TCF4: variants seen among roughly 807,000 people sequenced by gnomAD.
The protein encoded by TCF4 is SL3-3 enhancer factor 2.
A neutral mutation model predicts 82.1 loss-of-function variants in TCF4; 3 were observed. That is an observed-to-expected ratio of 0.04 (90% CI 0.02 to 0.09). TCF4 has a LOEUF of 0.09. Ranked by LOEUF, TCF4 falls within the 10% of genes least tolerant of loss-of-function variation. The probability of loss-of-function intolerance (pLI) is 1.00; values close to 1 mark genes in which losing one functional copy is unlikely to be tolerated. For missense variants in TCF4, 518 were observed against 852.7 expected, an observed-to-expected ratio of 0.61 and a Z score of 4.89; for synonymous variants, 276 against 309.6, an observed-to-expected ratio of 0.89 and a Z score of 1.14.
intron 8 of TCF4, among the ~76,000 whole-genome samples, chr18:55,339,384 C>G (rs2079326052): frequency 6.6e-6 from 1 of 152,102 alleles, no homozygotes; most frequent in African/African-American, 2.4e-5. Flanking sequence ...CATAAAAAGC[C>G]AAATCGAAAT....
At chr18:55,541,844 G>A (rs1033266554) in intron 3 of TCF4, among the ~76,000 whole-genome samples, 2 of 151,880 alleles carry the variant, frequency 1.3e-5, no homozygotes, top group Non-Finnish European at 2.9e-5. Context: ...GGGAGAATAC[G>A]ACGTTATTTA....
At chr18:55,276,437 G>A (rs2061514030) in intron 9 of TCF4, among the ~76,000 whole-genome samples, 1 of 152,086 alleles carries the variant, frequency 6.6e-6, no homozygotes, top group Non-Finnish European at 1.5e-5. Context: ...AGAGTCTCTG[G>A]ATTTTATAAA....
chr18:55,385,930 CT>C (rs1177974864), intron 6 of TCF4, among the ~76,000 whole-genome samples: 1 of 152,192 alleles, frequency 6.6e-6, no homozygotes, highest in Non-Finnish European at 1.5e-5. Context: ...CACACGGCCA[CT>C]GCCATCAGCT....
intron 2 of TCF4, among the ~76,000 whole-genome samples, chr18:55,621,997 A>ATATATACACTATATATAT (rs1568501934): frequency 4.6e-5 from 6 of 129,072 alleles, no homozygotes; most frequent in African/African-American, 9.3e-5. Context: ...ACTATATATT[A>ATATATACACTATATATAT]TATATACACT....
chr18:55,407,586 A>G (rs544099018), intron 5 of TCF4, among the ~76,000 whole-genome samples: 2 of 151,598 alleles, frequency 1.3e-5, no homozygotes, highest in Admixed American at 1.3e-4. Context: ...TCAATAAAGG[A>G]TTCACTTGCT....
rs1323094186 is a variant in TCF4 at position 55,224,055 on chromosome 18, T to G, written c.*3980A>C. Reference sequence around the variant, plus strand: ...ATATTTTTTATTTTTAAATTTAGTTTTTTTTTTTTCCTACTAGGGTGTACT... The same window carrying G: ...ATATTTTTTATTTTTAAATTTAGTTGTTTTTTTTTCCTACTAGGGTGTACT... On this transcript the variant is annotated 3_prime_UTR_variant, in exon 20 of 20. Coordinates refer to ENST00000354452, the MANE Select transcript of TCF4 (RefSeq NM_001083962.2). 2.6e-5 allele frequency: 4 copies of G among 151,494 alleles called. No homozygotes were observed. The highest frequency in any genetic ancestry group is 2.0e-4 in the Admixed American group (3 of 15,216). The allele number at this position is 151,494 out of a possible 1,614,324, so 9.4% of individuals were successfully genotyped here. A position where few individuals can be genotyped will look rare whatever the true frequency, so the allele number is the denominator to read the frequency against.
At chr18:55,526,083 A>T (rs2096980512) in intron 3 of TCF4, among the ~76,000 whole-genome samples, 1 of 152,158 alleles carries the variant, frequency 6.6e-6, no homozygotes, top group African/African-American at 2.4e-5. Flanking sequence ...ATCAACTTAC[A>T]ATATTTGTGT....
At position 55,279,758 on chromosome 18, in the gene TCF4, C is replaced by A. The variant is rs1023571270; in HGVS notation, c.550-102G>T. On this transcript the variant is annotated intron_variant, in intron 8 of 19. Transcript: ENST00000354452. ...TAGGCAGAAAGTGCTACATTTCTAC[C>A]CTTTCCAGTTTAAATCTGAACAAAC... 3.0e-5 allele frequency: 46 copies of A among 1,549,660 alleles called. No individual in the cohort carries two copies. The African/African-American group carries it at 6.1e-4, about 21-fold the overall frequency.
chr18:55,501,122 T>C (rs1211618279), intron 3 of TCF4, among the ~76,000 whole-genome samples: 2 of 152,144 alleles, frequency 1.3e-5, no homozygotes, highest in African/African-American at 4.8e-5. Context: ...ATGCAGAATT[T>C]AGAAATGTAA....
intron 5 of TCF4, among the ~76,000 whole-genome samples, chr18:55,450,068 C>G (rs2095595847): frequency 6.6e-6 from 1 of 152,158 alleles, no homozygotes; most frequent in Non-Finnish European, 1.5e-5. Context: ...AGGGCAACTA[C>G]TTAGATGAGA....
chr18:55,505,439 A>G (rs1450735608), intron 3 of TCF4, among the ~76,000 whole-genome samples: 1 of 152,202 alleles, frequency 6.6e-6, no homozygotes. Flanking sequence ...TTTACAAGAA[A>G]TAACTTATTT....
intron 2 of TCF4, among the ~76,000 whole-genome samples, chr18:55,617,176 ACAT>A (rs1172609698): frequency 6.6e-6 from 1 of 152,100 alleles, no homozygotes; most frequent in Non-Finnish European, 1.5e-5. Context: ...AGTTTTCTCG[ACAT>A]CATTTGTTGA....
At chr18:55,368,560 T>C (rs773593678) in intron 6 of TCF4, among the ~76,000 whole-genome samples, 2 of 152,076 alleles carry the variant, frequency 1.3e-5, no homozygotes, top group African/African-American at 2.4e-5. Flanking sequence ...TTTTCAAATT[T>C]GTGTTGGGCC....
intron 3 of TCF4, among the ~76,000 whole-genome samples, chr18:55,529,296 T>G (rs1245129704): frequency 1.3e-5 from 2 of 152,250 alleles, no homozygotes; most frequent in African/African-American, 4.8e-5. Context: ...AATATTTAGC[T>G]TCCTAAACTC....
chr18:55,360,627 A>G (rs1603342292), intron 6 of TCF4, among the ~76,000 whole-genome samples: 1 of 152,074 alleles, frequency 6.6e-6, no homozygotes, highest in Non-Finnish European at 1.5e-5. Flanking sequence ...ACCATACATA[A>G]TATGTAAATA....
At chr18:55,301,873 T>G (rs2146968973) in intron 8 of TCF4, among the ~76,000 whole-genome samples, 1 of 151,776 alleles carries the variant, frequency 6.6e-6, no homozygotes, top group Middle Eastern at 3.4e-3. Flanking sequence ...CCAAAACTCT[T>G]GGAAGATGAG....
chr18:55,491,809 T>C (rs1481062774), intron 3 of TCF4, among the ~76,000 whole-genome samples: 1 of 152,184 alleles, frequency 6.6e-6, no homozygotes, highest in South Asian at 2.1e-4. Flanking sequence ...CAATTTTGCA[T>C]ATGTACTTTA....
intron 9 of TCF4, among the ~76,000 whole-genome samples, chr18:55,277,394 T>A (rs956218778): frequency 1.3e-5 from 2 of 152,196 alleles, no homozygotes; most frequent in Non-Finnish European, 2.9e-5. Context: ...GACAATGTGA[T>A]ACCCTGGGTG....
At chr18:55,391,995 G>A (rs1448888879) in intron 6 of TCF4, among the ~76,000 whole-genome samples, 2 of 92,334 alleles carry the variant, frequency 2.2e-5, no homozygotes, top group Admixed American at 1.7e-4. Context: ...ACAGAGTCTC[G>A]CTCTGTCACC....
Sources: allele counts gnomAD v4.1 joint callset (sites outside exome capture counted in the v4.1 genomes callset), GRCh38; gene constraint gnomAD v4.1.1; transcripts MANE v1.5; gene names NCBI Gene and HGNC (gene_info 2026-07-23, HGNC 2026-07-21).